NWD2: variants seen among roughly 807,000 people sequenced by gnomAD.
NWD2 encodes the protein NACHT and WD repeat domain-containing protein 2.
In NWD2, 37 loss-of-function variants were observed where a neutral mutation model predicts 132.7. That is an observed-to-expected ratio of 0.28 (90% confidence interval 0.21 to 0.37). The LOEUF (loss-of-function observed/expected upper bound fraction) is 0.37. Ranked by LOEUF, NWD2 falls within the 10% of genes least tolerant of loss-of-function variation. NWD2 has a pLI of 1.00. For missense variants in NWD2, 1,592 were observed against 2,122.4 expected (o/e 0.75, Z 4.91); for synonymous variants, 705 against 803.0 (o/e 0.88, Z 2.06).
chr4:37,409,962 AT>A (rs1472480340), intron 3 of NWD2, among the ~76,000 whole-genome samples: 3 of 152,192 alleles, frequency 2.0e-5, no homozygotes, highest in African/African-American at 7.2e-5. Flanking sequence ...ATGCTGAGAG[AT>A]TTTGTCACCA....
Position 37,433,889 on chromosome 4 carries a change from C to T in NWD2, c.575C>T (p.Thr192Ile), listed in dbSNP as rs1226341541. 6 of 1,544,608 alleles carry T rather than the reference C, an allele frequency of 3.9e-6. No individual in the cohort carries two copies. In the East Asian group the frequency reaches 1.5e-4, roughly 38 times the overall value. The part of the protein sequence containing the change: ...RSNRNAMQPS[T>I]NAENEKTWQE... Reference sequence around the variant, plus strand: ...ACATTTCTATAGATGCAGCCTTCTACCAATGCTGAAAACGAGAAGACATGG... The same window carrying T: ...ACATTTCTATAGATGCAGCCTTCTATCAATGCTGAAAACGAGAAGACATGG... Residue 192 changes from threonine to isoleucine, a missense_variant, in exon 5 of 7, where the codon ACC (threonine) becomes ATC (isoleucine). Physicochemically the swap from Thr to Ile is moderately conservative, Grantham distance 89. Coordinates refer to ENST00000309447, the MANE Select transcript of NWD2 (RefSeq NM_001144990.2).
At chr4:37,290,993 G>A (rs1165724958) in intron 1 of NWD2, among the ~76,000 whole-genome samples, 1 of 152,138 alleles carries the variant, frequency 6.6e-6, no homozygotes, top group Non-Finnish European at 1.5e-5. Flanking sequence ...AAAGTTTGCA[G>A]CTCTGTGTAG....
intron 5 of NWD2, among the ~76,000 whole-genome samples, chr4:37,435,311 G>T (rs1029228944): frequency 1.3e-5 from 2 of 152,210 alleles, no homozygotes; most frequent in Non-Finnish European, 2.9e-5. Flanking sequence ...AAGGCACTTG[G>T]TAATCATTCT....
At chr4:37,396,634 G>A (rs1216538560) in intron 3 of NWD2, among the ~76,000 whole-genome samples, 1 of 152,176 alleles carries the variant, frequency 6.6e-6, no homozygotes, top group Non-Finnish European at 1.5e-5. Flanking sequence ...AGCTTCTTCA[G>A]CTCAACAGGT....
intron 1 of NWD2, among the ~76,000 whole-genome samples, chr4:37,324,093 C>A (rs990191342): frequency 2.6e-5 from 4 of 152,040 alleles, no homozygotes; most frequent in Non-Finnish European, 5.9e-5. Context: ...GTACTATGCT[C>A]ACTACCTGGA....
intron 1 of NWD2, among the ~76,000 whole-genome samples, chr4:37,289,657 A>G (rs1038312939): frequency 2.0e-5 from 3 of 152,210 alleles, no homozygotes; most frequent in Non-Finnish European, 4.4e-5. Flanking sequence ...CTTTTGAGGT[A>G]AAATTTACAC....
chr4:37,444,242 C>T lies in NWD2; in HGVS notation c.2254C>T (p.Leu752=). Residue 752 remains leucine, a synonymous_variant, in exon 7 of 7, where the codon CTG becomes TTG. Coordinates refer to ENST00000309447, the MANE Select transcript of NWD2 (RefSeq NM_001144990.2). The surrounding 1 kb of genome is among the most constrained non-coding windows in gnomAD (Gnocchi z 4.8). ...GCTATATCTGCAGGATGACAATGACCTGCGTGAAATGCACACCATCTTAGC... is the reference window on the plus strand; with the variant it reads ...GCTATATCTGCAGGATGACAATGACTTGCGTGAAATGCACACCATCTTAGC... ...QKLYLQDDND[L]REMHTILADY... The T allele has an allele frequency of 6.4e-7, 1 of 1,551,738 alleles. No homozygotes were observed. The highest frequency in any genetic ancestry group is 2.4e-5 in the East Asian group (1 of 40,922).
At chr4:37,352,141 A>C (rs1209223964) in intron 2 of NWD2, among the ~76,000 whole-genome samples, 1 of 152,202 alleles carries the variant, frequency 6.6e-6, no homozygotes. Context: ...TGTGCTGAGA[A>C]GAATGTATAT....
In NWD2 at chr4:37,443,820, T is replaced by C; in HGVS notation, c.1832T>C (p.Met611Thr). 6.4e-7 allele frequency: 1 copy of C among 1,552,146 alleles called. No homozygotes were observed. Among genetic ancestry groups the C allele is most frequent in the Non-Finnish European group, 8.7e-7 (1 of 1,147,108 alleles). The change falls in exon 7 of 7, where the codon ATG becomes ACG. Residue 611 changes from methionine (M) to threonine (T), a missense_variant. This residue lies in a region of NWD2 where 1,071 missense variants were observed against 1,398.0 expected (regional missense o/e 0.77). Transcript: ENST00000309447. The surrounding 1 kb of genome is among the most constrained non-coding windows in gnomAD (Gnocchi z 4.1). ...NNALSKCTLP[M>T]FVNLTFREVR... ...GCATTATCCAAGTGCACACTGCCAA[T>C]GTTTGTGAACCTGACCTTCAGGGAG...
At chr4:37,360,733 C>T (rs1164992772) in intron 3 of NWD2, among the ~76,000 whole-genome samples, 3 of 152,292 alleles carry the variant, frequency 2.0e-5, no homozygotes, top group East Asian at 1.9e-4. Flanking sequence ...GAGAGGAATA[C>T]GGCCTTTTGG....
chr4:37,365,599 C>T (rs1428918545), intron 3 of NWD2, among the ~76,000 whole-genome samples: 1 of 152,182 alleles, frequency 6.6e-6, no homozygotes, highest in Non-Finnish European at 1.5e-5. Flanking sequence ...AACTAGTTAT[C>T]ATAGCTCTGA....
Position 37,444,324 on chromosome 4 carries a change from A to G in NWD2, c.2336A>G (p.Asp779Gly), listed in dbSNP as rs879054691. 1.9e-6 allele frequency: 3 copies of G among 1,551,668 alleles called. No homozygotes were observed. The highest frequency in any genetic ancestry group is 1.7e-4 in the Middle Eastern group (1 of 5,994). Reference sequence around the variant, plus strand: ...AGGAGGAAAGCCTTCTGCCTTGAGGACCCCTACTTGAATGGCTGCCTTGAC... The same window carrying G: ...AGGAGGAAAGCCTTCTGCCTTGAGGGCCCCTACTTGAATGGCTGCCTTGAC... ...GGRRKAFCLE[D>G]PYLNGCLDLE... Residue 779 changes from aspartate to glycine, a missense_variant, in exon 7 of 7, where the codon GAC (aspartate) becomes GGC (glycine). Physicochemically the swap from Asp to Gly is moderately conservative, Grantham distance 94. Coordinates refer to ENST00000309447, the MANE Select transcript of NWD2 (RefSeq NM_001144990.2). This position sits in a 1 kb window ranked among gnomAD's most constrained non-coding sequence, Gnocchi z 4.8.
intron 1 of NWD2, among the ~76,000 whole-genome samples, chr4:37,290,695 A>G (rs1718341156): frequency 6.6e-6 from 1 of 152,230 alleles, no homozygotes; most frequent in Admixed American, 6.5e-5. Context: ...CGTAGATAAC[A>G]AAGAGGGATG....
Position 37,443,503 on chromosome 4 carries a change from G to T in NWD2, c.1515G>T (p.Leu505=). The change falls in exon 7 of 7, where the codon CTG becomes CTT. Residue 505 remains leucine (L), a synonymous_variant. Coordinates refer to ENST00000309447, the MANE Select transcript of NWD2 (RefSeq NM_001144990.2). This position sits in a 1 kb window ranked among gnomAD's most constrained non-coding sequence, Gnocchi z 4.1. The part of the protein sequence containing the change: ...LFINLLNESS[L]QRPLVIIFDA... ...TAAATCTTTTGAATGAGTCTTCACTGCAGAGACCTCTAGTCATAATATTCG... is the reference window on the plus strand; with the variant it reads ...TAAATCTTTTGAATGAGTCTTCACTTCAGAGACCTCTAGTCATAATATTCG... The T allele has an allele frequency of 6.4e-7, 1 of 1,551,956 alleles. No individual in the cohort carries two copies. The highest frequency in any genetic ancestry group is 8.7e-7 in the Non-Finnish European group (1 of 1,147,032).
At chr4:37,392,500 A>G (rs115007669) in intron 3 of NWD2, among the ~76,000 whole-genome samples, 2,039 of 152,076 alleles carry the variant, frequency 0.013, 40 homozygotes, top group African/African-American at 0.046. Context: ...GCCAATACTA[A>G]CCCCTCTGCC....
intron 1 of NWD2, among the ~76,000 whole-genome samples, chr4:37,284,172 G>A (rs1205097815): frequency 6.6e-6 from 1 of 152,154 alleles, no homozygotes; most frequent in Non-Finnish European, 1.5e-5. Context: ...GGTGCCAGCA[G>A]ATTTGGGGTC....
At chr4:37,345,917 C>T (rs1719625691) in intron 2 of NWD2, among the ~76,000 whole-genome samples, 1 of 151,944 alleles carries the variant, frequency 6.6e-6, no homozygotes, top group South Asian at 2.1e-4. Flanking sequence ...CCCGTCTCTA[C>T]TAAAAATACA....
At chr4:37,348,987 C>T (rs1192932347) in intron 2 of NWD2, among the ~76,000 whole-genome samples, 4 of 151,888 alleles carry the variant, frequency 2.6e-5, no homozygotes, top group African/African-American at 9.7e-5. Flanking sequence ...CCAGCTTCAT[C>T]CATGTCCCTG....
At chr4:37,351,617 CA>C (rs35459599) in intron 2 of NWD2, among the ~76,000 whole-genome samples, 11,469 of 151,898 alleles carry the variant, frequency 0.076, 585 homozygotes, top group Non-Finnish European at 0.098. Context: ...TTAATCTTTT[CA>C]AAAAAACAGC....
Sources: gnomAD v4.1 joint callset for allele counts (sites outside exome capture counted in the v4.1 genomes callset) on GRCh38, gnomAD v4.1.1 for gene constraint, gnomAD v4.1.1 regional missense constraint, Gnocchi (gnomAD v3.1) non-coding constraint, MANE v1.5 for transcripts, NCBI Gene and HGNC (gene_info 2026-07-23, HGNC 2026-07-21) for gene names.